The following COL22A1 variants were observed in gnomAD, a reference collection of about 807,000 sequenced individuals.
The protein encoded by COL22A1 is collagen alpha-1(XXII) chain.
Under a neutral mutation model 248.9 loss-of-function variants are expected in COL22A1, and 221 were observed. That is an observed-to-expected ratio of 0.89 (90% CI 0.80 to 0.99). The LOEUF is 0.99. Ranked by LOEUF, COL22A1 falls within the 50% of genes least tolerant of loss-of-function variation. COL22A1 has a pLI of 0.00. For synonymous variants in COL22A1, 891 were observed against 793.4 expected, an observed-to-expected ratio of 1.12 and a Z score of -2.07; for missense variants, 2,240 against 2,179.0, an observed-to-expected ratio of 1.03 and a Z score of -0.56.
At chr8:138,750,737 A>G (rs1832522987) in intron 22 of COL22A1, among the ~76,000 whole-genome samples, 2 of 152,182 alleles carry the variant, frequency 1.3e-5, no homozygotes. Context: ...GTGAACTAGT[A>G]AAAGGCGATA....
intron 49 of COL22A1, among the ~76,000 whole-genome samples, chr8:138,632,213 G>T (rs1376350001): frequency 6.6e-6 from 1 of 152,298 alleles, no homozygotes; most frequent in African/African-American, 2.4e-5. Flanking sequence ...TAAGAGTGCA[G>T]CCTCTTAGAG....
intron 51 of COL22A1, among the ~76,000 whole-genome samples, chr8:138,625,552 A>T (rs549648058): frequency 6.6e-6 from 1 of 152,210 alleles, no homozygotes; most frequent in Non-Finnish European, 1.5e-5. Flanking sequence ...GTTCAGGACA[A>T]CATCTTTGGA....
At chr8:138,606,738 G>A (rs923886675) in intron 57 of COL22A1, among the ~76,000 whole-genome samples, 56 of 152,310 alleles carry the variant, frequency 3.7e-4, no homozygotes, top group African/African-American at 1.2e-3. Context: ...CAAAGACCCT[G>A]AGATGTGTGG....
At chr8:138,634,089 C>T (rs1015520362) in intron 49 of COL22A1, among the ~76,000 whole-genome samples, 7 of 152,106 alleles carry the variant, frequency 4.6e-5, no homozygotes, top group African/African-American at 7.2e-5. Context: ...ATGCTTTCAT[C>T]GGATTTTATT....
chr8:138,697,358 C>T (rs1310141682), intron 32 of COL22A1, among the ~76,000 whole-genome samples: 3 of 152,118 alleles, frequency 2.0e-5, no homozygotes, highest in Non-Finnish European at 2.9e-5. Context: ...AGAATCAGGC[C>T]GGTTGGACAG....
At chr8:138,652,488 A>G (rs1294481152) in intron 45 of COL22A1, among the ~76,000 whole-genome samples, 2 of 152,136 alleles carry the variant, frequency 1.3e-5, no homozygotes, top group Admixed American at 1.3e-4. Context: ...GATCATCAAT[A>G]CTAGCTCCCA....
intron 30 of COL22A1, among the ~76,000 whole-genome samples, chr8:138,706,958 A>C (rs1828513814): frequency 6.6e-6 from 1 of 152,250 alleles, no homozygotes; most frequent in African/African-American, 2.4e-5. Flanking sequence ...AGGGGATATC[A>C]CCACCGATCG....
chr8:138,885,695 C>T (rs1824613140), intron 1 of COL22A1, among the ~76,000 whole-genome samples: 1 of 152,228 alleles, frequency 6.6e-6, no homozygotes, highest in South Asian at 2.1e-4. Flanking sequence ...TCCTGAGTAG[C>T]TGGGATTACA....
chr8:138,743,310 T>C (rs1209547405), intron 22 of COL22A1, among the ~76,000 whole-genome samples: 6 of 126,576 alleles, frequency 4.7e-5, no homozygotes. Flanking sequence ...GTGTAGTTGA[T>C]GAGGGTGATG....
At chr8:138,890,554 C>T (rs1824989593) in intron 1 of COL22A1, among the ~76,000 whole-genome samples, 1 of 152,078 alleles carries the variant, frequency 6.6e-6, no homozygotes, top group South Asian at 2.1e-4. Context: ...CTTAAGCAAT[C>T]CTTCTGCCTC....
At chr8:138,811,694 G>T in intron 9 of COL22A1, 105 bp downstream of exon 9, 2 of 1,338,364 alleles carry the variant, frequency 1.5e-6, no homozygotes, top group Non-Finnish European at 2.1e-6. Flanking sequence ...GACAGCCATG[G>T]GCCTCCTGGT....
chr8:138,629,314 G>A (rs138907976), intron 50 of COL22A1, among the ~76,000 whole-genome samples: 167 of 152,136 alleles, frequency 1.1e-3, no homozygotes, highest in African/African-American at 3.8e-3. Flanking sequence ...GTGCCACCGT[G>A]CGAGACTAAT....
intron 50 of COL22A1, 30 bp from the exon 51 acceptor site, chr8:138,626,273 G>C (rs925014697): frequency 6.3e-7 from 1 of 1,576,830 alleles, no homozygotes; most frequent in East Asian, 2.3e-5. Flanking sequence ...AAAACACCAT[G>C]AAACCTCTGC....
chr8:138,805,974 G>A (rs1345385702), intron 10 of COL22A1, among the ~76,000 whole-genome samples: 1 of 118,554 alleles, frequency 8.4e-6, no homozygotes, highest in Non-Finnish European at 1.8e-5. Flanking sequence ...GTGTGATAGT[G>A]TGTGTGATTG....
At chr8:138,790,583 T>C (rs1271353745) in intron 12 of COL22A1, among the ~76,000 whole-genome samples, 1 of 152,342 alleles carries the variant, frequency 6.6e-6, no homozygotes, top group Non-Finnish European at 1.5e-5. Flanking sequence ...AATCTTCTTA[T>C]AACTTCAGTT....
chr8:138,834,970 A>G (rs6996386), intron 4 of COL22A1, among the ~76,000 whole-genome samples: 82,978 of 151,976 alleles, frequency 0.55, 23,300 homozygotes, highest in East Asian at 0.67. Flanking sequence ...CAAGTGTGCA[A>G]TACAATTCCA....
At chr8:138,685,610 T>C (rs550696230) in intron 37 of COL22A1, among the ~76,000 whole-genome samples, 1 of 152,264 alleles carries the variant, frequency 6.6e-6, no homozygotes, top group African/African-American at 2.4e-5. Context: ...TAATCCAATA[T>C]GAGTAGCGTC....
At chr8:138,892,081 G>A (rs1442260016) in intron 1 of COL22A1, among the ~76,000 whole-genome samples, 1 of 152,198 alleles carries the variant, frequency 6.6e-6, no homozygotes, top group African/African-American at 2.4e-5. Context: ...GTTCATGAGA[G>A]TTACTGGTCT....
intron 47 of COL22A1, among the ~76,000 whole-genome samples, chr8:138,644,271 A>G (rs1177054616): frequency 6.6e-6 from 1 of 152,166 alleles, no homozygotes; most frequent in African/African-American, 2.4e-5. Flanking sequence ...TCATGAAATG[A>G]TTGCATTACT....
Sources: allele counts gnomAD v4.1 joint callset (sites outside exome capture counted in the v4.1 genomes callset), GRCh38; gene constraint gnomAD v4.1.1; transcripts MANE v1.5; gene names NCBI Gene and HGNC (gene_info 2026-07-23, HGNC 2026-07-21).